The following RPRD1A variants were observed in gnomAD, a reference collection of about 807,000 sequenced individuals.
RPRD1A encodes the protein regulation of nuclear pre-mRNA domain containing 1A, also known as regulation of nuclear pre-mRNA domain-containing protein 1A.
A neutral mutation model predicts 37.8 loss-of-function variants in RPRD1A; 9 were observed. That is an observed-to-expected ratio of 0.24 (90% CI 0.14 to 0.42). The LOEUF (loss-of-function observed/expected upper bound fraction) is 0.42, where lower values mean the gene tolerates loss of function less well. RPRD1A is among the 10% of genes least tolerant of loss of function. The pLI is 1.00. For missense variants in RPRD1A, 255 were observed against 371.0 expected (o/e 0.69, Z 2.57); for synonymous variants, 138 against 139.7 (o/e 0.99, Z 0.08).
chr18:36,061,673 C>T (rs955907564), intron 1 of RPRD1A, among the ~76,000 whole-genome samples: 6 of 152,060 alleles, frequency 3.9e-5, no homozygotes, highest in Non-Finnish European at 7.4e-5. Flanking sequence ...AAAACAGTCA[C>T]CTTCAAAGGA....
At chr18:36,055,309 CA>C (rs1344391086) in intron 1 of RPRD1A, among the ~76,000 whole-genome samples, 2 of 152,200 alleles carry the variant, frequency 1.3e-5, no homozygotes, top group South Asian at 2.1e-4. Context: ...TCACAAAAAT[CA>C]ATCAATACAA....
intron 1 of RPRD1A, among the ~76,000 whole-genome samples, chr18:36,061,498 T>TAG (rs1411310753): frequency 6.6e-6 from 1 of 152,228 alleles, no homozygotes; most frequent in Non-Finnish European, 1.5e-5. Flanking sequence ...ACAGCTCTTA[T>TAG]AGAGATCTTT....
At chr18:36,005,640 T>C (rs896840280) in intron 6 of RPRD1A, among the ~76,000 whole-genome samples, 2 of 152,228 alleles carry the variant, frequency 1.3e-5, no homozygotes, top group Non-Finnish European at 2.9e-5. Context: ...CTAGGTCTTA[T>C]AAATCATTAA....
At position 36,067,500 on chromosome 18, in the gene RPRD1A, T is replaced by C. The variant is rs2089056517; in HGVS notation, c.-96A>G. 3.1e-6 allele frequency: 4 copies of C among 1,296,628 alleles called. No individual in the cohort carries two copies. The South Asian group carries it at 4.3e-5, about 14-fold the overall frequency. 80.3% of individuals were successfully genotyped at this position (1,296,628 alleles called of 1,614,324 possible). A position where few individuals can be genotyped will look rare whatever the true frequency, so the allele number is the denominator to read the frequency against. On this transcript the variant is annotated 5_prime_UTR_variant, in exon 1 of 7. Transcript: ENST00000399022. ...GCGGCCTCGCCCCCTCACCCCACCC[T>C]TCCCCACGCTCTCACCACGGCCGCC...
chr18:36,057,051 C>CG (rs1913833285), intron 1 of RPRD1A, among the ~76,000 whole-genome samples: 1 of 44,732 alleles, frequency 2.2e-5, no homozygotes, highest in African/African-American at 8.4e-5. Context: ...CCTGTTTCTA[C>CG]AAAAAAAAAA....
intron 6 of RPRD1A, among the ~76,000 whole-genome samples, chr18:36,021,292 T>C (rs1469964068): frequency 1.3e-5 from 2 of 152,218 alleles, no homozygotes; most frequent in East Asian, 3.8e-4. Flanking sequence ...GAGGTACCAT[T>C]TTCCCAACAG....
At chr18:36,007,563 T>G (rs1909824237) in intron 6 of RPRD1A, among the ~76,000 whole-genome samples, 1 of 152,140 alleles carries the variant, frequency 6.6e-6, no homozygotes, top group African/African-American at 2.4e-5. Context: ...GTTACACATT[T>G]TTGCTTGACA....
At chr18:35,999,195 CTGAG>C (rs1909273261) in intron 6 of RPRD1A, among the ~76,000 whole-genome samples, 1 of 152,156 alleles carries the variant, frequency 6.6e-6, no homozygotes, top group South Asian at 2.1e-4. Context: ...CAGCAGGGGA[CTGAG>C]TATTAACAGT....
chr18:35,995,409 G>C (rs1200955339), intron 6 of RPRD1A, among the ~76,000 whole-genome samples: 1 of 151,772 alleles, frequency 6.6e-6, no homozygotes, highest in African/African-American at 2.4e-5. Flanking sequence ...GGGATTACAG[G>C]CATGTGTCAC....
intron 1 of RPRD1A, among the ~76,000 whole-genome samples, chr18:36,053,360 G>A (rs962732425): frequency 5.3e-5 from 8 of 151,964 alleles, no homozygotes; most frequent in South Asian, 2.1e-4. Context: ...TGTAGCCCCC[G>A]GAGTATTATG....
chr18:36,010,555 A>C (rs992379262), intron 6 of RPRD1A, among the ~76,000 whole-genome samples: 1 of 152,188 alleles, frequency 6.6e-6, no homozygotes, highest in African/African-American at 2.4e-5. Context: ...AATAGAAGTT[A>C]AGGGTAGGAC....
intron 6 of RPRD1A, among the ~76,000 whole-genome samples, chr18:35,998,337 C>G (rs1055814256): frequency 4.6e-5 from 7 of 151,236 alleles, no homozygotes; most frequent in Admixed American, 4.0e-4. Context: ...GCATGGGCAA[C>G]AAGAATGAAA....
At chr18:36,009,848 CAT>C in intron 6 of RPRD1A, among the ~76,000 whole-genome samples, 1 of 152,294 alleles carries the variant, frequency 6.6e-6, no homozygotes, top group East Asian at 1.9e-4. Flanking sequence ...TTAAACAGCA[CAT>C]GTGGCTGGTG....
At chr18:36,058,588 G>A (rs1259184450) in intron 1 of RPRD1A, among the ~76,000 whole-genome samples, 1 of 152,050 alleles carries the variant, frequency 6.6e-6, no homozygotes, top group Non-Finnish European at 1.5e-5. Flanking sequence ...CGGGCCAAAG[G>A]GAAATTTTAT....
chr18:36,058,475 T>C (rs1291767744), intron 1 of RPRD1A, among the ~76,000 whole-genome samples: 4 of 152,212 alleles, frequency 2.6e-5, no homozygotes, highest in African/African-American at 9.7e-5. Flanking sequence ...TTATAAGAAA[T>C]GTAGAGATAA....
chr18:36,008,434 G>T (rs1383734861), intron 6 of RPRD1A, among the ~76,000 whole-genome samples: 1 of 151,158 alleles, frequency 6.6e-6, no homozygotes, highest in African/African-American at 2.4e-5. Context: ...AAATTAGCCA[G>T]GCATGGTAGC....
Position 35,992,075 on chromosome 18 carries a change from A to C in RPRD1A, c.*1076T>G, listed in dbSNP as rs146252108. 6.5e-5 allele frequency: 10 copies of C among 152,752 alleles called. No homozygotes were observed. The East Asian group carries it at 1.9e-3, about 29-fold the overall frequency. 9.5% of individuals were successfully genotyped at this position (152,752 alleles called of 1,614,324 possible). ...AAAGGTAAAAGTACATTTGTTTTGT[A>C]ACTGTAAATATACAAATATAAAATT... On this transcript the variant is annotated 3_prime_UTR_variant, in exon 7 of 7. Coordinates refer to ENST00000399022, the MANE Select transcript of RPRD1A (RefSeq NM_018170.5).
intron 1 of RPRD1A, among the ~76,000 whole-genome samples, chr18:36,061,585 T>C (rs549440166): frequency 3.6e-4 from 55 of 152,348 alleles, no homozygotes; most frequent in African/African-American, 1.3e-3. Context: ...TCAATATTTC[T>C]ACAGAAATGA....
chr18:36,025,770 C>A, intron 6 of RPRD1A: 2 of 485,372 alleles, frequency 4.1e-6, no homozygotes, highest in South Asian at 2.1e-5. Flanking sequence ...ATTCTGTGGA[C>A]AATAAAACAA....
Sources: allele counts gnomAD v4.1 joint callset (sites outside exome capture counted in the v4.1 genomes callset), GRCh38; gene constraint gnomAD v4.1.1; transcripts MANE v1.5; gene names NCBI Gene and HGNC (gene_info 2026-07-23, HGNC 2026-07-21).